Variants in NOCT observed in about 807,000 individuals in gnomAD.
NOCT encodes nocturnin, also known as CCR4 carbon catabolite repression 4-like.
In NOCT, 18 loss-of-function variants were observed where a neutral mutation model predicts 35.0. The ratio of observed to expected loss-of-function variants is 0.51; its 90% confidence interval spans 0.36 to 0.76. The LOEUF (loss-of-function observed/expected upper bound fraction) is 0.76. Ranked by LOEUF, NOCT falls within the 30% of genes least tolerant of loss-of-function variation. The pLI, the probability that NOCT is intolerant of heterozygous loss-of-function variation, is 0.01. For synonymous variants in NOCT, 235 were observed against 226.3 expected, an observed-to-expected ratio of 1.04 and a Z score of -0.34; for missense variants, 479 against 541.0, an observed-to-expected ratio of 0.89 and a Z score of 1.14.
chr4:139,040,762 G>A (rs72947676), intron 1 of NOCT, among the ~76,000 whole-genome samples: 1,698 of 152,270 alleles, frequency 0.011, 43 homozygotes, highest in African/African-American at 0.039. Context: ...TGGTGTCCCT[G>A]TGAGTTTGCT....
rs1164615714 is a variant in NOCT at position 139,030,171 on chromosome 4, G to A, written c.191-12903G>A. Among the ~76,000 whole-genome samples, 4 of 152,126 alleles carry A rather than the reference G, an allele frequency of 2.6e-5. 1 individual carries two copies. Among genetic ancestry groups the A allele is most frequent in the African/African-American group, 4.8e-5 (2 of 41,400 alleles). ...TGAGACTACAGGCGTGAGCCACCGC[G>A]CCTGGCCTAGAGTTACGTTTAATGG... On this transcript the variant is annotated intron_variant, in intron 1 of 2. Coordinates refer to ENST00000280614, the MANE Select transcript of NOCT (RefSeq NM_012118.4).
Position 139,036,154 on chromosome 4 carries a change from G to A in NOCT, c.191-6920G>A, listed in dbSNP as rs143823692. Among the ~76,000 whole-genome samples the A allele has an allele frequency of 2.5e-3, 376 of 152,292 alleles. 1 individual carries two copies. The highest frequency in any genetic ancestry group is 4.4e-3 in the Non-Finnish European group (301 of 68,026). On this transcript the variant is annotated intron_variant, in intron 1 of 2. Transcript: ENST00000280614. ...TTGTCTCTCCCCACTAGAAAGAACA[G>A]AAGCTCCATGAGGGCAGATACTCAT...
intron 1 of NOCT, among the ~76,000 whole-genome samples, chr4:139,040,866 G>A (rs1235747485): frequency 6.6e-6 from 1 of 151,954 alleles, no homozygotes; most frequent in African/African-American, 2.4e-5. Context: ...TGGATGTTTG[G>A]CTGTTTTTTG....
chr4:139,031,154 C>CT (rs111694522), intron 1 of NOCT, among the ~76,000 whole-genome samples: 2,191 of 143,810 alleles, frequency 0.015, 33 homozygotes, highest in African/African-American at 0.039. Flanking sequence ...TGACTGCTTT[C>CT]TTTTTTTTTT....
At chr4:139,033,978 C>T (rs1726674516) in intron 1 of NOCT, among the ~76,000 whole-genome samples, 1 of 152,164 alleles carries the variant, frequency 6.6e-6, no homozygotes, top group Non-Finnish European at 1.5e-5. Context: ...CCCACCTCAG[C>T]CTCCCAACAT....
At chr4:139,021,956 A>G (rs1308971571) in intron 1 of NOCT, among the ~76,000 whole-genome samples, 3 of 151,912 alleles carry the variant, frequency 2.0e-5, no homozygotes, top group Admixed American at 1.3e-4. Flanking sequence ...ACAGGGTTTC[A>G]CCATGTTGGT....
chr4:139,037,291 G>A (rs944383384), intron 1 of NOCT, among the ~76,000 whole-genome samples: 4 of 152,112 alleles, frequency 2.6e-5, no homozygotes. Context: ...AAGTACAAAA[G>A]GGCTATGCCA....
chr4:139,027,844 A>G (rs1726552068), intron 1 of NOCT, among the ~76,000 whole-genome samples: 1 of 152,136 alleles, frequency 6.6e-6, no homozygotes, highest in Non-Finnish European at 1.5e-5. Context: ...TTCACATGTC[A>G]TGAAATATTA....
chr4:139,042,665 C>T (rs1327054669), intron 1 of NOCT, among the ~76,000 whole-genome samples: 1 of 152,144 alleles, frequency 6.6e-6, no homozygotes, highest in Non-Finnish European at 1.5e-5. Context: ...CTTGTAATCC[C>T]AGCACTTTGG....
chr4:139,040,057 TTGA>T (rs1726808685), intron 1 of NOCT, among the ~76,000 whole-genome samples: 1 of 145,042 alleles, frequency 6.9e-6, no homozygotes, highest in Admixed American at 6.9e-5. Context: ...TTTTTTTTTT[TTGA>T]GACGGAGTCT....
chr4:139,030,708 G>A (rs552818634), intron 1 of NOCT, among the ~76,000 whole-genome samples: 12 of 152,112 alleles, frequency 7.9e-5, no homozygotes, highest in Non-Finnish European at 1.5e-4. Flanking sequence ...GTGAATTCTC[G>A]TTTGTATTGA....
At chr4:139,020,998 C>T (rs1469413814) in intron 1 of NOCT, among the ~76,000 whole-genome samples, 2 of 144,916 alleles carry the variant, frequency 1.4e-5, no homozygotes, top group African/African-American at 5.2e-5. Context: ...ACCCAGGAGG[C>T]GGAGGTATCA....
chr4:139,044,985 G>C lies in NOCT; in HGVS notation c.807G>C (p.Gln269His), dbSNP rs1254554927. The C allele has an allele frequency of 1.2e-6, 2 of 1,614,068 alleles. No individual in the cohort carries two copies. Among genetic ancestry groups the C allele is most frequent in the East Asian group, 2.2e-5 (1 of 44,908 alleles). The change falls in exon 3 of 3, where the codon CAG becomes CAC. Residue 269 changes from glutamine to histidine, a missense_variant. Transcript: ENST00000280614. ...AAACCAACCAGGTGGCCATTGCACAGACCCTGGAGTGCAAGGAGTCAGGCC... is the reference window on the plus strand; with the variant it reads ...AAACCAACCAGGTGGCCATTGCACACACCCTGGAGTGCAAGGAGTCAGGCC... ...TLKTNQVAIA[Q>H]TLECKESGRQ...
In NOCT at chr4:139,031,683, A is replaced by G. The variant is rs148476153; in HGVS notation, c.191-11391A>G. Among the ~76,000 whole-genome samples the G allele has an allele frequency of 2.6e-3, 397 of 152,070 alleles. 1 individual carries two copies. Among genetic ancestry groups the G allele is most frequent in the African/African-American group, 9.1e-3 (378 of 41,478 alleles). ...AGTATTAAGGGTGTACATATATTCA[A>G]ATATATTTGTGATTAGCCCACTTGT... On this transcript the variant is annotated intron_variant, in intron 1 of 2. Transcript: ENST00000280614.
At chr4:139,042,901 C>T (rs6819911) in intron 1 of NOCT, among the ~76,000 whole-genome samples, 173 bp from the exon 2 acceptor site, 33,746 of 144,848 alleles carry the variant, frequency 0.23, 3,933 homozygotes, top group Non-Finnish European at 0.25. Flanking sequence ...GCAACAAGAG[C>T]GAAACTCCAT....
intron 2 of NOCT, 164 bp downstream of exon 2, chr4:139,043,507 C>A: frequency 1.1e-5 from 6 of 567,164 alleles, no homozygotes; most frequent in Non-Finnish European, 1.8e-5. Context: ...GACAGGGAAT[C>A]ATCTGGTTTT....
At chr4:139,019,730 T>A (rs1726375544) in intron 1 of NOCT, among the ~76,000 whole-genome samples, 1 of 152,146 alleles carries the variant, frequency 6.6e-6, no homozygotes, top group Non-Finnish European at 1.5e-5. Flanking sequence ...ACCCTAGGGA[T>A]GATCTCGGTG....
chr4:139,018,341 A>T (rs907071960), intron 1 of NOCT, among the ~76,000 whole-genome samples: 3 of 152,278 alleles, frequency 2.0e-5, no homozygotes, highest in South Asian at 4.1e-4. Context: ...TAAAACATAG[A>T]TGGCTGTGTT....
At chr4:139,028,756 C>G (rs1726571783) in intron 1 of NOCT, among the ~76,000 whole-genome samples, 1 of 152,196 alleles carries the variant, frequency 6.6e-6, no homozygotes, top group Admixed American at 6.5e-5. Flanking sequence ...ATACCCACTT[C>G]ACCAGATTTG....
Sources: allele counts gnomAD v4.1 joint callset (sites outside exome capture counted in the v4.1 genomes callset), GRCh38; gene constraint gnomAD v4.1.1; transcripts MANE v1.5; gene names NCBI Gene and HGNC (gene_info 2026-07-23, HGNC 2026-07-21).